Variants in KLHL2 observed in about 807,000 individuals in gnomAD.
The protein encoded by KLHL2 is kelch-like protein 2.
Under a neutral mutation model 75.8 loss-of-function variants are expected in KLHL2, and 15 were observed. The observed-to-expected ratio is 0.20, with a 90% CI of 0.13 to 0.30. The LOEUF (loss-of-function observed/expected upper bound fraction) is 0.30. Among genes scored for constraint, KLHL2 ranks in the 10% least tolerant of loss-of-function variants. The pLI is 1.00. For synonymous variants in KLHL2, 214 were observed against 251.9 expected (o/e 0.85, Z 1.42); for missense variants, 381 against 741.0 (o/e 0.51, Z 5.64).
intron 13 of KLHL2, among the ~76,000 whole-genome samples, chr4:165,314,983 G>A (rs1023993351): frequency 6.6e-6 from 1 of 152,158 alleles, no homozygotes; most frequent in Non-Finnish European, 1.5e-5. Flanking sequence ...TACTAAGAGA[G>A]ACTAAGTATG....
At position 165,322,272 on chromosome 4, in the gene KLHL2, C is replaced by G; in HGVS notation, c.*212C>G. Reference sequence around the variant, plus strand: ...TTTTTCTGCAATGAGCAGCAGCTGACTGAATTTTCATAAGAAACTTGGACT... The same window carrying G: ...TTTTTCTGCAATGAGCAGCAGCTGAGTGAATTTTCATAAGAAACTTGGACT... On this transcript the variant is annotated 3_prime_UTR_variant, in exon 15 of 15. Transcript: ENST00000226725. The G allele has an allele frequency of 1.8e-6, 1 of 541,994 alleles. No individual in the cohort carries two copies. The highest frequency in any genetic ancestry group is 3.3e-6 in the Non-Finnish European group (1 of 305,558). 33.6% of individuals were successfully genotyped at this position (541,994 alleles called of 1,614,324 possible).
At chr4:165,229,505 A>G (rs2111040738) in intron 3 of KLHL2, among the ~76,000 whole-genome samples, 1 of 152,364 alleles carries the variant, frequency 6.6e-6, no homozygotes, top group East Asian at 1.9e-4. Context: ...CAATGAGTTT[A>G]TAATCTTAGG....
chr4:165,300,966 C>T (rs759490257), intron 8 of KLHL2, among the ~76,000 whole-genome samples: 1 of 151,956 alleles, frequency 6.6e-6, no homozygotes, highest in Non-Finnish European at 1.5e-5. Flanking sequence ...TCTGTTTTGC[C>T]TATTACTAAC....
chr4:165,274,453 C>T (rs1369453080), intron 5 of KLHL2, among the ~76,000 whole-genome samples: 1 of 152,060 alleles, frequency 6.6e-6, no homozygotes, highest in Non-Finnish European at 1.5e-5. Flanking sequence ...ACTAAAAATA[C>T]AAACAATTAG....
intron 4 of KLHL2, among the ~76,000 whole-genome samples, chr4:165,251,898 C>T (rs917279308): frequency 1.3e-5 from 2 of 152,082 alleles, no homozygotes; most frequent in Non-Finnish European, 2.9e-5. Flanking sequence ...CGTGAGCCAC[C>T]GCGCCCGGCC....
chr4:165,284,879 C>T (rs1428930678), intron 5 of KLHL2, among the ~76,000 whole-genome samples: 1 of 152,198 alleles, frequency 6.6e-6, no homozygotes, highest in East Asian at 1.9e-4. Context: ...CAAGTCACAT[C>T]CTACATGGAT....
chr4:165,284,777 G>A (rs1172406838), intron 5 of KLHL2, among the ~76,000 whole-genome samples: 1 of 152,146 alleles, frequency 6.6e-6, no homozygotes, highest in Non-Finnish European at 1.5e-5. Context: ...ACATATCTGA[G>A]ACTCGGCAAT....
intron 5 of KLHL2, among the ~76,000 whole-genome samples, chr4:165,269,168 A>C (rs1290440710): frequency 1.3e-5 from 2 of 151,780 alleles, no homozygotes; most frequent in East Asian, 3.9e-4. Flanking sequence ...TGCTTGGTAG[A>C]TCTTCCTCCA....
intron 5 of KLHL2, among the ~76,000 whole-genome samples, chr4:165,272,358 T>C (rs1367503341): frequency 2.6e-5 from 4 of 152,158 alleles, no homozygotes; most frequent in African/African-American, 9.7e-5. Context: ...TGTATTCCAA[T>C]GCAAGCAATT....
chr4:165,246,088 G>A (rs954622486), intron 4 of KLHL2, among the ~76,000 whole-genome samples: 2 of 152,156 alleles, frequency 1.3e-5, no homozygotes, highest in African/African-American at 4.8e-5. Context: ...TGACTTTTAC[G>A]TTATTCTCTG....
chr4:165,302,521 C>T (rs1000676127), intron 8 of KLHL2, among the ~76,000 whole-genome samples: 2 of 152,058 alleles, frequency 1.3e-5, no homozygotes, highest in Non-Finnish European at 2.9e-5. Context: ...ATGAATGATT[C>T]TTTTCATATC....
At chr4:165,307,399 T>A (rs1014077825) in intron 9 of KLHL2, among the ~76,000 whole-genome samples, 1 of 152,222 alleles carries the variant, frequency 6.6e-6, no homozygotes, top group African/African-American at 2.4e-5. Flanking sequence ...CAAAGAATTC[T>A]GGTATATTCT....
intron 5 of KLHL2, among the ~76,000 whole-genome samples, chr4:165,288,141 C>T (rs549560420): frequency 6.6e-6 from 1 of 152,244 alleles, no homozygotes; most frequent in Non-Finnish European, 1.5e-5. Context: ...TTGAGTCTTA[C>T]ATTTAGATCC....
intron 4 of KLHL2, among the ~76,000 whole-genome samples, chr4:165,242,870 A>G (rs1280580453): frequency 1.3e-5 from 2 of 152,178 alleles, no homozygotes; most frequent in Non-Finnish European, 1.5e-5. Context: ...ATGTGCATGT[A>G]TGAAGGATTT....
chr4:165,207,609 C>G lies in KLHL2; in HGVS notation c.-268C>G. 1 of 149,150 alleles carries G rather than the reference C, an allele frequency of 6.7e-6. No homozygotes were observed. The highest frequency in any genetic ancestry group is 1.5e-5 in the Non-Finnish European group (1 of 66,702). The allele number at this position is 149,150 out of a possible 1,614,324, so 9.2% of individuals were successfully genotyped here. The stretch of plus-strand genomic sequence containing the variant: ...GGCCGGGGCCGAACCCGGAAGTGGC[C>G]GAGCCCGCGCGCCCGCCGGTCCCGT... On this transcript the variant is annotated 5_prime_UTR_variant, in exon 1 of 15. Coordinates refer to ENST00000226725, the MANE Select transcript of KLHL2 (RefSeq NM_007246.4). This position sits in a 1 kb window ranked among gnomAD's most constrained non-coding sequence, Gnocchi z 4.2.
At chr4:165,227,183 G>C (rs1259221215) in intron 2 of KLHL2, among the ~76,000 whole-genome samples, 1 of 152,012 alleles carries the variant, frequency 6.6e-6, no homozygotes, top group Non-Finnish European at 1.5e-5. Flanking sequence ...CTCCAATACG[G>C]GACCTGCTTT....
chr4:165,263,525 A>C lies in KLHL2; in HGVS notation c.544+166A>C, dbSNP rs536127781. 1.5e-4 allele frequency among the ~76,000 whole-genome samples: 23 copies of C among 152,276 alleles called. 1 individual carries two copies. In the South Asian group the frequency reaches 3.5e-3, roughly 23 times the overall value. ...ACTGCATAACTGAAGCATACTCATA[A>C]AATTCTGAACTTAAAAAGCAAGCAA... is the stretch of plus-strand genomic sequence containing the variant. On this transcript the variant is annotated intron_variant, in intron 5 of 14. Coordinates refer to ENST00000226725, the MANE Select transcript of KLHL2 (RefSeq NM_007246.4).
At chr4:165,212,244 T>G (rs932342693) in intron 1 of KLHL2, among the ~76,000 whole-genome samples, 10 of 152,092 alleles carry the variant, frequency 6.6e-5, no homozygotes, top group Non-Finnish European at 1.5e-4. Context: ...GTTAGTAGTA[T>G]TACAGTAAAC....
intron 4 of KLHL2, chr4:165,240,482 C>T (rs1739725599): frequency 6.6e-6 from 1 of 151,928 alleles, no homozygotes; most frequent in Non-Finnish European, 1.5e-5. Context: ...ATTTGAAAAA[C>T]CTTGGTCAAT....
Sources: allele counts gnomAD v4.1 joint callset (sites outside exome capture counted in the v4.1 genomes callset), GRCh38; gene constraint gnomAD v4.1.1; non-coding constraint Gnocchi (gnomAD v3.1); transcripts MANE v1.5; gene names NCBI Gene and HGNC (gene_info 2026-07-23, HGNC 2026-07-21).